THSD7B: variants seen among roughly 807,000 people sequenced by gnomAD.
The protein encoded by THSD7B is thrombospondin type 1 domain containing 7B.
A neutral mutation model predicts 213.6 loss-of-function variants in THSD7B; 138 were observed. The ratio of observed to expected loss-of-function variants is 0.65; its 90% confidence interval spans 0.56 to 0.74. THSD7B has a LOEUF of 0.74. Ranked by LOEUF, THSD7B falls within the 30% of genes least tolerant of loss-of-function variation. THSD7B has a pLI of 0.00. For missense variants in THSD7B, 1,931 were observed against 1,991.5 expected (o/e 0.97, Z 0.58); for synonymous variants, 742 against 687.0 (o/e 1.08, Z -1.25).
intron 1 of THSD7B, among the ~76,000 whole-genome samples, chr2:136,855,602 A>ATTTAT (rs111285205): frequency 5.9e-3 from 114 of 19,342 alleles, no homozygotes; most frequent in Middle Eastern, 0.038. Flanking sequence ...TTATTTATTT[A>ATTTAT]TTATTTATTT....
chr2:137,379,657 A>G, intron 12 of THSD7B, among the ~76,000 whole-genome samples: 1 of 152,222 alleles, frequency 6.6e-6, no homozygotes, highest in Non-Finnish European at 1.5e-5. Context: ...CAGATGTCAC[A>G]GTAATGAGAT....
intron 14 of THSD7B, among the ~76,000 whole-genome samples, chr2:137,418,196 C>T (rs1250369769): frequency 6.6e-6 from 1 of 152,152 alleles, no homozygotes; most frequent in African/African-American, 2.4e-5. Context: ...TGTTGCTCTG[C>T]CTTAGTTCAG....
chr2:136,830,824 G>A (rs1271595690), intron 1 of THSD7B, among the ~76,000 whole-genome samples: 2 of 152,038 alleles, frequency 1.3e-5, no homozygotes, highest in South Asian at 2.1e-4. Flanking sequence ...TTTTTGCTTA[G>A]TGCGTGCTAT....
intron 1 of THSD7B, among the ~76,000 whole-genome samples, chr2:136,837,353 C>A (rs1682859250): frequency 6.6e-6 from 1 of 152,174 alleles, no homozygotes; most frequent in African/African-American, 2.4e-5. Flanking sequence ...AGCCTCCCTT[C>A]TGGCCAACTA....
At position 137,649,353 on chromosome 2, in the gene THSD7B, C is replaced by G. The variant is rs912729364; in HGVS notation, c.3946-6148C>G. ...AAAAGAAAAAAAATCTTTTCCCAGA[C>G]CAATATCCTGGAGCATATTCCCAAA... On this transcript the variant is annotated intron_variant, in intron 21 of 27. Coordinates refer to ENST00000409968, the MANE Select transcript of THSD7B (RefSeq NM_001316349.2). 7.2e-5 allele frequency among the ~76,000 whole-genome samples: 11 copies of G among 152,268 alleles called. 1 individual carries two copies. In the South Asian group the frequency reaches 2.3e-3, roughly 32 times the overall value.
intron 12 of THSD7B, among the ~76,000 whole-genome samples, chr2:137,320,971 C>T (rs574815329): frequency 7.2e-5 from 11 of 152,284 alleles, no homozygotes; most frequent in South Asian, 2.1e-4. Context: ...TGGCTTTGAG[C>T]GTGTGTGTGC....
rs906641845 is a variant in THSD7B, at chr2:137,313,010, A to T, written c.2500+36984A>T. On this transcript the variant is annotated intron_variant, in intron 12 of 27. Transcript: ENST00000409968. The stretch of plus-strand genomic sequence containing the variant: ...TGATTTGGGGTGGAGAGTTCTGTAG[A>T]TGTCTATTAGGTCCGCTTGGTGCAG... Among the ~76,000 whole-genome samples the T allele has an allele frequency of 2.7e-5, 4 of 150,444 alleles. No individual in the cohort carries two copies. The South Asian group carries it at 8.5e-4, about 32-fold the overall frequency.
At chr2:137,267,582 C>CAA (rs1682624047) in intron 10 of THSD7B, among the ~76,000 whole-genome samples, 1 of 151,350 alleles carries the variant, frequency 6.6e-6, no homozygotes, top group African/African-American at 2.4e-5. Context: ...TATCATGGGC[C>CAA]TAATTGTCTG....
At chr2:136,959,727 G>A (rs369075787) in intron 2 of THSD7B, among the ~76,000 whole-genome samples, 1 of 152,174 alleles carries the variant, frequency 6.6e-6, no homozygotes. Flanking sequence ...CGATATTAAT[G>A]CCCCACTACT....
intron 12 of THSD7B, among the ~76,000 whole-genome samples, chr2:137,382,159 G>T (rs1685792435): frequency 6.6e-6 from 1 of 152,122 alleles, no homozygotes; most frequent in Non-Finnish European, 1.5e-5. Context: ...GAAACAGTTT[G>T]TCTTCATGGG....
At chr2:136,875,971 T>G (rs1024884726) in intron 1 of THSD7B, among the ~76,000 whole-genome samples, 2 of 152,202 alleles carry the variant, frequency 1.3e-5, no homozygotes, top group African/African-American at 4.8e-5. Context: ...TACAGCCATT[T>G]GGAGTAGAGA....
In THSD7B at chr2:136,917,269, C is replaced by T. The variant is rs143831065; in HGVS notation, c.139+34952C>T. Among the ~76,000 whole-genome samples the T allele has an allele frequency of 9.9e-5, 15 of 152,250 alleles. No homozygotes were observed. The East Asian group carries it at 2.9e-3, about 29-fold the overall frequency. ...TACCATTTCTCACTTTGTTCCTAGT[C>T]CCCTAGTTCCTGTTAGTAAATGGAA... On this transcript the variant is annotated intron_variant, in intron 2 of 27. Coordinates refer to ENST00000409968, the MANE Select transcript of THSD7B (RefSeq NM_001316349.2).
At chr2:137,079,933 G>A (rs1473417907) in intron 3 of THSD7B, among the ~76,000 whole-genome samples, 6 of 151,962 alleles carry the variant, frequency 3.9e-5, no homozygotes, top group South Asian at 4.2e-4. Context: ...TCCATCTCCC[G>A]GATTCAGGCG....
At chr2:137,108,131 A>C (rs1688289152) in intron 4 of THSD7B, among the ~76,000 whole-genome samples, 1 of 152,228 alleles carries the variant, frequency 6.6e-6, no homozygotes, top group Non-Finnish European at 1.5e-5. Context: ...CTCAGTCAAA[A>C]CATGACCATT....
At chr2:137,595,765 ATATGTT>A (rs1351690272) in intron 17 of THSD7B, among the ~76,000 whole-genome samples, 2 of 151,954 alleles carry the variant, frequency 1.3e-5, no homozygotes, top group Non-Finnish European at 2.9e-5. Context: ...ATATACACAT[ATATGTT>A]TATATCAATC....
intron 2 of THSD7B, among the ~76,000 whole-genome samples, chr2:137,026,655 C>G (rs1257658641): frequency 6.6e-6 from 1 of 152,148 alleles, no homozygotes; most frequent in African/African-American, 2.4e-5. Flanking sequence ...TTTGCTTCCT[C>G]AAACCCATGC....
intron 10 of THSD7B, among the ~76,000 whole-genome samples, chr2:137,270,354 T>C (rs1682704491): frequency 6.6e-6 from 1 of 151,986 alleles, no homozygotes; most frequent in Admixed American, 6.6e-5. Context: ...AAAGAGGGAA[T>C]CTAGGGGGAA....
At chr2:137,404,074 TAAAAC>T (rs2105001299) in intron 12 of THSD7B, among the ~76,000 whole-genome samples, 1 of 152,048 alleles carries the variant, frequency 6.6e-6, no homozygotes, top group South Asian at 2.1e-4. Flanking sequence ...ATAAATAAAA[TAAAAC>T]AAAATAAATA....
chr2:136,990,990 C>T, intron 2 of THSD7B: 1 of 1,282,692 alleles, frequency 7.8e-7, no homozygotes, highest in African/African-American at 1.5e-5. Context: ...CACATCGTCT[C>T]TGCTGGCACA....
Sources: gnomAD v4.1 joint callset for allele counts (sites outside exome capture counted in the v4.1 genomes callset) on GRCh38, gnomAD v4.1.1 for gene constraint, MANE v1.5 for transcripts, NCBI Gene and HGNC (gene_info 2026-07-23, HGNC 2026-07-21) for gene names.